The following AMDHD1 variants were observed in gnomAD, a reference collection of about 807,000 sequenced individuals.
AMDHD1 encodes amidohydrolase domain containing 1, also known as probable imidazolonepropionase.
A neutral mutation model predicts 44.1 loss-of-function variants in AMDHD1; 45 were observed. The observed-to-expected ratio is 1.02, with a 90% CI of 0.80 to 1.31. The LOEUF is 1.31. AMDHD1 is among the 50% of genes most tolerant of loss of function. The probability of loss-of-function intolerance (pLI) is 0.00; values close to 1 mark genes in which losing one functional copy is unlikely to be tolerated. For synonymous variants in AMDHD1, 206 were observed against 205.0 expected (o/e 1.00, Z -0.04); for missense variants, 586 against 552.1 (o/e 1.06, Z -0.61).
chr12:95,962,276 A>G, intron 5 of AMDHD1, 79 bp from the exon 6 acceptor site: 1 of 1,547,158 alleles, frequency 6.5e-7, no homozygotes, highest in Non-Finnish European at 8.7e-7. Context: ...AAATAAAACA[A>G]ACAAAGCAAT....
intron 4 of AMDHD1, among the ~76,000 whole-genome samples, chr12:95,958,813 TG>T (rs936200414): frequency 1.3e-5 from 2 of 152,178 alleles, no homozygotes; most frequent in African/African-American, 2.4e-5. Flanking sequence ...CCCAGCACTT[TG>T]GGGGGCCGAG....
intron 5 of AMDHD1, 53 bp downstream of exon 5, chr12:95,960,676 T>A (rs1311711161): frequency 6.5e-7 from 1 of 1,545,770 alleles, no homozygotes; most frequent in Non-Finnish European, 8.9e-7. Context: ...TGCACATTCA[T>A]GCTATGGGAA....
At chr12:95,955,424 A>C (rs1268674424) in intron 3 of AMDHD1, among the ~76,000 whole-genome samples, 1 of 152,156 alleles carries the variant, frequency 6.6e-6, no homozygotes, top group Non-Finnish European at 1.5e-5. Flanking sequence ...CAACTCCTAA[A>C]TCCCTGGTTG....
Position 95,960,486 on chromosome 12 carries a change from G to C in AMDHD1, c.676G>C (p.Val226Leu). Residue 226 changes from valine (V) to leucine (L), a missense_variant, in exon 5 of 9, where the codon GTG becomes CTG. Transcript: ENST00000266736. The part of the protein sequence containing the change: ...KELGRNGEIH[V>L]DNIDVFCEKG... ...ACTTGGCAGAAATGGGGAAATACAC[G>C]TGGACAATATAGACGTATTTTGTGA... 2 of 1,614,208 alleles carry C rather than the reference G, an allele frequency of 1.2e-6. No individual in the cohort carries two copies. Among genetic ancestry groups the C allele is most frequent in the Non-Finnish European group, 1.7e-6 (2 of 1,180,032 alleles).
chr12:95,962,311 G>T, intron 5 of AMDHD1, 44 bp from the exon 6 acceptor site: 1 of 1,580,126 alleles, frequency 6.3e-7, no homozygotes, highest in Non-Finnish European at 8.6e-7. Flanking sequence ...TGGATTCGTT[G>T]TTGCTATTTG....
chr12:95,947,721 C>A (rs2080503652), intron 1 of AMDHD1, among the ~76,000 whole-genome samples: 1 of 59,562 alleles, frequency 1.7e-5, no homozygotes, highest in Non-Finnish European at 3.0e-5. Flanking sequence ...ATGGGGGGGT[C>A]AGCCCCCCCA....
intron 2 of AMDHD1, among the ~76,000 whole-genome samples, chr12:95,954,165 C>G (rs1424637599): frequency 6.6e-6 from 1 of 151,970 alleles, no homozygotes; most frequent in Admixed American, 6.6e-5. Flanking sequence ...TCACATTTTC[C>G]CTTCTCAGAG....
intron 1 of AMDHD1, among the ~76,000 whole-genome samples, chr12:95,944,268 C>T (rs2080482275): frequency 6.6e-6 from 1 of 152,144 alleles, no homozygotes; most frequent in Non-Finnish European, 1.5e-5. Context: ...CACGGCTTAT[C>T]TGAGGCAGTT....
chr12:95,960,329 C>A (rs1355208375), intron 4 of AMDHD1, 69 bp from the exon 5 acceptor site: 2 of 1,400,062 alleles, frequency 1.4e-6, no homozygotes, highest in Admixed American at 2.0e-5. Context: ...TCTTCAAGTG[C>A]CAGATTACCC....
chr12:95,952,086 G>T (rs1381990614), intron 1 of AMDHD1, among the ~76,000 whole-genome samples: 1 of 152,126 alleles, frequency 6.6e-6, no homozygotes, highest in Non-Finnish European at 1.5e-5. Flanking sequence ...CTTTTACCTT[G>T]AAGTGATCCC....
chr12:95,960,664 C>G, intron 5 of AMDHD1, 41 bp downstream of exon 5: 1 of 1,572,804 alleles, frequency 6.4e-7, no homozygotes, highest in Non-Finnish European at 8.7e-7. Flanking sequence ...AACATTCATT[C>G]TTGCACATTC....
At position 95,968,592 on chromosome 12, in the gene AMDHD1, ATTG is replaced by A. The variant is rs768492134; in HGVS notation, c.*758_*760del. The stretch of plus-strand genomic sequence containing the variant: ...TCAATAAATGTTTGCTGTCGCTCTT[ATTG>A]TTGTTGTTTCCTTTCAGCCTGGAAG... On this transcript the variant is annotated 3_prime_UTR_variant, in exon 9 of 9. Coordinates refer to ENST00000266736, the MANE Select transcript of AMDHD1 (RefSeq NM_152435.3). 2.2e-4 allele frequency: 34 copies of A among 152,270 alleles called. No individual in the cohort carries two copies. In the East Asian group the frequency reaches 2.9e-3, roughly 13 times the overall value. The allele number at this position is 152,270 out of a possible 1,614,324, so 9.4% of individuals were successfully genotyped here.
At chr12:95,954,840 G>T in intron 2 of AMDHD1, 71 bp from the exon 3 acceptor site, 2 of 1,416,534 alleles carry the variant, frequency 1.4e-6, no homozygotes, top group Non-Finnish European at 2.0e-6. Flanking sequence ...AGGGTATAGT[G>T]CTGCTGTTTG....
intron 8 of AMDHD1, 73 bp downstream of exon 8, chr12:95,966,581 C>A: frequency 2.0e-6 from 3 of 1,536,170 alleles, no homozygotes; most frequent in Middle Eastern, 1.7e-4. Flanking sequence ...AATCCCTTTT[C>A]CACTAATTAT....
intron 4 of AMDHD1, 23 bp downstream of exon 4, chr12:95,956,985 C>A: frequency 1.9e-6 from 3 of 1,610,892 alleles, no homozygotes; most frequent in Non-Finnish European, 2.5e-6. Flanking sequence ...AGTGGGGGCC[C>A]GGGTTTAACT....
chr12:95,946,524 G>A lies in AMDHD1; in HGVS notation c.137+2989G>A, dbSNP rs148828972. Among the ~76,000 whole-genome samples the A allele has an allele frequency of 6.0e-3, 908 of 150,254 alleles. 9 individuals are homozygous for A. The highest frequency in any genetic ancestry group is 0.021 in the African/African-American group (863 of 40,792). On this transcript the variant is annotated intron_variant, in intron 1 of 8. Transcript: ENST00000266736. ...TGAAAAGATAATTATAATACAATAT[G>A]GTAAGCACAAAGGTAGAGAGATGTG...
At chr12:95,949,513 C>G (rs529474103) in intron 1 of AMDHD1, among the ~76,000 whole-genome samples, 2 of 152,094 alleles carry the variant, frequency 1.3e-5, no homozygotes, top group South Asian at 4.2e-4. Context: ...TATTTGTATC[C>G]CCTAAAAAAG....
chr12:95,959,081 G>GA (rs1004744970), intron 4 of AMDHD1, among the ~76,000 whole-genome samples: 10 of 151,688 alleles, frequency 6.6e-5, no homozygotes, highest in South Asian at 2.1e-4. Flanking sequence ...AAAAAGAAAA[G>GA]AAAAAAAGAA....
intron 7 of AMDHD1, among the ~76,000 whole-genome samples, chr12:95,966,021 T>C (rs2080608429): frequency 6.6e-6 from 1 of 152,218 alleles, no homozygotes; most frequent in East Asian, 1.9e-4. Context: ...CTTTGAGTAT[T>C]GTAGTTTTAC....
Sources: gnomAD v4.1 joint callset for allele counts (sites outside exome capture counted in the v4.1 genomes callset) on GRCh38, gnomAD v4.1.1 for gene constraint, MANE v1.5 for transcripts, NCBI Gene and HGNC (gene_info 2026-07-23, HGNC 2026-07-21) for gene names.